The following PRH1 variants were observed in gnomAD, a reference collection of about 807,000 sequenced individuals.
The protein encoded by PRH1 is proline rich protein HaeIII subfamily 1.
PRH1 carries 7 observed loss-of-function variants against 7.9 expected under a neutral mutation model. The ratio of observed to expected loss-of-function variants is 0.89; its 90% CI spans 0.50 to 1.67. PRH1 has a LOEUF of 1.67. Ranked by LOEUF, PRH1 falls within the 40% of genes most tolerant of loss-of-function variation. PRH1 has a pLI of 0.00. For missense variants in PRH1, 109 were observed against 223.6 expected (o/e 0.49, Z 3.27); for synonymous variants, 45 against 80.8 (o/e 0.56, Z 2.38).
chr12:11,134,479 T>A, intron 1 of PRH1: 1 of 522,036 alleles, frequency 1.9e-6, no homozygotes, highest in Non-Finnish European at 3.3e-6. Context: ...CAATTCAAAT[T>A]AACTGACTCA....
intron 1 of PRH1, among the ~76,000 whole-genome samples, chr12:11,005,285 T>C (rs1031603945): frequency 1.3e-5 from 2 of 152,202 alleles, no homozygotes; most frequent in African/African-American, 4.8e-5. Flanking sequence ...TTTGCTAGCA[T>C]GCAAATAAAG....
chr12:10,981,365 ATTTTT>A (rs528019045), intron 1 of PRH1, among the ~76,000 whole-genome samples: 113 of 111,594 alleles, frequency 1.0e-3, no homozygotes, highest in African/African-American at 3.6e-3. Flanking sequence ...TTACTTCTGG[ATTTTT>A]TTTTTTTTTT....
chr12:10,905,228 G>A (rs866069916), intron 2 of PRH1, among the ~76,000 whole-genome samples: 5 of 138,336 alleles, frequency 3.6e-5, no homozygotes. Flanking sequence ...TTTTTTTTTT[G>A]AGACAGAGTT....
At chr12:10,953,814 G>C (rs1356303313) in intron 2 of PRH1, among the ~76,000 whole-genome samples, 3 of 152,112 alleles carry the variant, frequency 2.0e-5, no homozygotes. Context: ...ATAGTCATCA[G>C]ATTCTCCAAG....
intron 1 of PRH1, chr12:11,021,486 C>T (rs1336858121): frequency 3.8e-6 from 2 of 524,716 alleles, no homozygotes; most frequent in Non-Finnish European, 6.7e-6. Context: ...CACATGCACA[C>T]ATATACACCC....
intron 1 of PRH1, among the ~76,000 whole-genome samples, chr12:11,069,380 G>A (rs1303142377): frequency 6.6e-6 from 1 of 151,888 alleles, no homozygotes; most frequent in Admixed American, 6.6e-5. Flanking sequence ...GAGAATACAT[G>A]AGATCACCAA....
intron 2 of PRH1, chr12:10,938,210 T>A: frequency 7.7e-7 from 1 of 1,294,162 alleles, no homozygotes; most frequent in South Asian, 1.5e-5. Context: ...TAAATTTATA[T>A]AACATACAAG....
At chr12:11,129,778 T>C (rs1946274875) in intron 1 of PRH1, among the ~76,000 whole-genome samples, 1 of 152,298 alleles carries the variant, frequency 6.6e-6, no homozygotes, top group East Asian at 1.9e-4. Context: ...ACTGCTTCAC[T>C]GTTGTATGTC....
At chr12:10,925,829 C>T (rs1210069582) in intron 2 of PRH1, among the ~76,000 whole-genome samples, 1 of 152,110 alleles carries the variant, frequency 6.6e-6, no homozygotes, top group African/African-American at 2.4e-5. Context: ...GTGGTGCACA[C>T]TAAACTCTGA....
chr12:11,050,533 TGGCCAGTTTACTGG>T (rs889353940), upstream of PRH1, among the ~76,000 whole-genome samples: 4 of 152,230 alleles, frequency 2.6e-5, no homozygotes, highest in African/African-American at 9.6e-5. Context: ...ATTTTATTTA[TGGCCAGTTTACTGG>T]GGCCAGTTTA....
chr12:10,998,853 G>T (rs1420329678), intron 1 of PRH1, among the ~76,000 whole-genome samples: 1 of 152,036 alleles, frequency 6.6e-6, no homozygotes, highest in African/African-American at 2.4e-5. Context: ...TTGCTTTGAT[G>T]AACAGAAAAT....
intron 1 of PRH1, among the ~76,000 whole-genome samples, chr12:11,111,135 G>T (rs1945578735): frequency 6.6e-6 from 1 of 152,170 alleles, no homozygotes; most frequent in Admixed American, 6.5e-5. Context: ...CAATACAGGG[G>T]CACCCAGATT....
At chr12:10,997,502 G>A (rs773369529) in intron 1 of PRH1, 2 of 1,613,918 alleles carry the variant, frequency 1.2e-6, no homozygotes, top group South Asian at 2.2e-5. Context: ...TACACTCTTA[G>A]CCTTCCTTTT....
chr12:11,136,066 A>C (rs1304007140), intron 1 of PRH1, among the ~76,000 whole-genome samples: 1 of 152,230 alleles, frequency 6.6e-6, no homozygotes, highest in Non-Finnish European at 1.5e-5. Flanking sequence ...GTCCACCTCC[A>C]TGCCACTTTC....
At chr12:10,938,727 T>C in intron 2 of PRH1, 1 of 1,613,994 alleles carries the variant, frequency 6.2e-7, no homozygotes, top group East Asian at 2.2e-5. Flanking sequence ...GTCTTGTTTC[T>C]TCTGTATCCA....
intron 2 of PRH1, among the ~76,000 whole-genome samples, chr12:10,897,184 G>A (rs1214997602): frequency 3.3e-5 from 5 of 152,122 alleles, no homozygotes; most frequent in Non-Finnish European, 7.4e-5. Context: ...CATGTCACAC[G>A]TGGCTTTTTA....
At chr12:11,091,720 A>G (rs116243872) in intron 1 of PRH1, 1 of 1,280,786 alleles carries the variant, frequency 7.8e-7, no homozygotes, top group East Asian at 2.3e-5. Context: ...AGTACATTGC[A>G]CTCTTCAATT....
At chr12:11,022,879 T>C (rs1941731822) in intron 1 of PRH1, among the ~76,000 whole-genome samples, 1 of 152,162 alleles carries the variant, frequency 6.6e-6, no homozygotes, top group African/African-American at 2.4e-5. Context: ...TGAATTCTCA[T>C]GTGTTAGTAT....
At chr12:11,071,818 C>A (rs1248436583) in intron 1 of PRH1, among the ~76,000 whole-genome samples, 1 of 152,060 alleles carries the variant, frequency 6.6e-6, no homozygotes, top group Non-Finnish European at 1.5e-5. Flanking sequence ...CTGGACAGAC[C>A]CCTGCATGGT....
Sources: allele counts gnomAD v4.1 joint callset (sites outside exome capture counted in the v4.1 genomes callset), GRCh38; gene constraint gnomAD v4.1.1; transcripts MANE v1.5; gene names NCBI Gene and HGNC (gene_info 2026-07-23, HGNC 2026-07-21).